TLE1: variants seen among roughly 807,000 people sequenced by gnomAD.
TLE1 encodes TLE family member 1, transcriptional corepressor, also known as transducin-like enhancer protein 1.
TLE1 carries 21 observed loss-of-function variants against 89.8 expected under a neutral mutation model. The observed-to-expected ratio is 0.23, with a 90% confidence interval of 0.17 to 0.34. TLE1 has a LOEUF of 0.34. Ranked by LOEUF, TLE1 falls within the 10% of genes least tolerant of loss-of-function variation. TLE1 has a pLI of 1.00. For synonymous variants in TLE1, 447 were observed against 407.6 expected, an observed-to-expected ratio of 1.10 and a Z score of -1.16; for missense variants, 795 against 1,031.2, an observed-to-expected ratio of 0.77 and a Z score of 3.14.
chr9:81,685,572 A>T, intron 4 of TLE1, 104 bp downstream of exon 4: 1 of 1,167,506 alleles, frequency 8.6e-7, no homozygotes, highest in Non-Finnish European at 1.2e-6. Flanking sequence ...GAAAAATAGC[A>T]TACAAACCCC....
intron 8 of TLE1, among the ~76,000 whole-genome samples, chr9:81,623,441 T>A (rs541841301): frequency 7.9e-5 from 12 of 152,240 alleles, no homozygotes; most frequent in African/African-American, 2.9e-4. Context: ...GGACACCATT[T>A]GCAAAAGAAT....
chr9:81,681,688 T>C (rs1355166207), intron 4 of TLE1, among the ~76,000 whole-genome samples: 1 of 152,220 alleles, frequency 6.6e-6, no homozygotes, highest in African/African-American at 2.4e-5. Context: ...CCAGGATTCC[T>C]GACTTGTTTC....
chr9:81,595,374 T>C (rs932083053), intron 14 of TLE1, among the ~76,000 whole-genome samples: 1 of 152,208 alleles, frequency 6.6e-6, no homozygotes, highest in Non-Finnish European at 1.5e-5. Context: ...ATTCATGTCC[T>C]ACAAGAATTC....
chr9:81,669,261 G>A (rs991614206), intron 4 of TLE1, among the ~76,000 whole-genome samples: 4 of 152,204 alleles, frequency 2.6e-5, no homozygotes, highest in East Asian at 1.9e-4. Context: ...CTGTGAGAAC[G>A]CTGCAAATGG....
chr9:81,674,436 T>G (rs1282227146), intron 4 of TLE1, among the ~76,000 whole-genome samples: 1 of 152,152 alleles, frequency 6.6e-6, no homozygotes, highest in African/African-American at 2.4e-5. Context: ...TTCCACACAC[T>G]GGGGTCCTCA....
intron 8 of TLE1, among the ~76,000 whole-genome samples, chr9:81,630,426 A>G (rs913109585): frequency 6.6e-6 from 1 of 152,216 alleles, no homozygotes; most frequent in African/African-American, 2.4e-5. Context: ...TTTCATTAAT[A>G]ATGTTATTTG....
At chr9:81,592,231 G>A (rs534252079) in intron 15 of TLE1, among the ~76,000 whole-genome samples, 13 of 152,284 alleles carry the variant, frequency 8.5e-5, no homozygotes, top group African/African-American at 3.1e-4. Flanking sequence ...GGTGGTGGGC[G>A]CCCGTAGTCC....
intron 8 of TLE1, among the ~76,000 whole-genome samples, chr9:81,633,064 G>A (rs181332335): frequency 1.1e-3 from 169 of 152,278 alleles, no homozygotes; most frequent in African/African-American, 4.0e-3. Context: ...AGATCAAAGT[G>A]TATTTCCAAG....
In TLE1 at chr9:81,665,437, C is replaced by A. The variant is rs566635631; in HGVS notation, c.235-11401G>T. On this transcript the variant is annotated intron_variant, in intron 4 of 19. Transcript: ENST00000376499. ...CATTCTAAATCTGAGCTCTCTCCAA[C>A]TGGGCCCAGATACTATCCTTTCACT... 2.5e-4 allele frequency among the ~76,000 whole-genome samples: 38 copies of A among 152,266 alleles called. 1 individual carries two copies. The East Asian group carries it at 6.8e-3, about 27-fold the overall frequency.
intron 6 of TLE1, among the ~76,000 whole-genome samples, chr9:81,646,422 A>G (rs1000891220): frequency 2.0e-4 from 31 of 152,354 alleles, no homozygotes; most frequent in African/African-American, 7.5e-4. Context: ...TAGTAGAGCT[A>G]GAAGATCCAT....
At chr9:81,647,638 T>C (rs1423719209) in intron 6 of TLE1, among the ~76,000 whole-genome samples, 2 of 152,024 alleles carry the variant, frequency 1.3e-5, no homozygotes, top group Non-Finnish European at 2.9e-5. Flanking sequence ...CAGACAAAAC[T>C]GCAGTTCAAG....
At position 81,595,814 on chromosome 9, in the gene TLE1, CAA is replaced by C. The variant is rs11301991; in HGVS notation, c.1332-2542_1332-2541del. On this transcript the variant is annotated intron_variant, in intron 14 of 19. Coordinates refer to ENST00000376499, the MANE Select transcript of TLE1 (RefSeq NM_005077.5). ...AGCCTGGGCGACAGAGACTCTGTCTCAAAAAAAAAAAAAAAAAAATTAAAAAA... is the reference window on the plus strand; with the variant it reads ...AGCCTGGGCGACAGAGACTCTGTCTCAAAAAAAAAAAAAAAAATTAAAAAA... 2.6e-3 allele frequency among the ~76,000 whole-genome samples: 278 copies of C among 106,632 alleles called. 2 individuals are homozygous for C. The highest frequency in any genetic ancestry group is 0.023 in the Middle Eastern group (5 of 220). The allele number at this position is 106,632 out of a possible 152,430, so 70.0% of individuals were successfully genotyped here. A position where few individuals can be genotyped will look rare whatever the true frequency, so the allele number is the denominator to read the frequency against.
chr9:81,673,321 T>C (rs1438573693), intron 4 of TLE1, among the ~76,000 whole-genome samples: 1 of 151,604 alleles, frequency 6.6e-6, no homozygotes, highest in Non-Finnish European at 1.5e-5. Context: ...CCTTTTTTTT[T>C]TTTCTCCTTT....
At chr9:81,588,446 G>A (rs1220572113) in intron 16 of TLE1, among the ~76,000 whole-genome samples, 5 of 152,160 alleles carry the variant, frequency 3.3e-5, no homozygotes, top group African/African-American at 9.7e-5. Context: ...AAAGGGTCAC[G>A]CATGCCGGCC....
intron 8 of TLE1, among the ~76,000 whole-genome samples, chr9:81,622,593 G>T (rs569194985): frequency 2.6e-5 from 4 of 152,302 alleles, no homozygotes; most frequent in South Asian, 2.1e-4. Context: ...AGGCCTCTGC[G>T]TCTATGTGTT....
At chr9:81,597,211 T>C (rs1830340951) in intron 14 of TLE1, among the ~76,000 whole-genome samples, 1 of 152,028 alleles carries the variant, frequency 6.6e-6, no homozygotes, top group South Asian at 2.1e-4. Context: ...GCAAAACACT[T>C]AACACAGCAC....
intron 18 of TLE1, 76 bp downstream of exon 18, chr9:81,585,429 C>A (rs955656136): frequency 8.1e-5 from 125 of 1,550,778 alleles, no homozygotes; most frequent in Non-Finnish European, 1.1e-4. Flanking sequence ...AGATTATGAT[C>A]TCTACCATAT....
chr9:81,673,840 A>G (rs1398584485), intron 4 of TLE1, among the ~76,000 whole-genome samples: 1 of 152,144 alleles, frequency 6.6e-6, no homozygotes, highest in East Asian at 1.9e-4. Context: ...TCTGAAAGCC[A>G]AAGAGCTGAG....
At chr9:81,655,852 CAAAA>C (rs5898754) in intron 4 of TLE1, among the ~76,000 whole-genome samples, 6 of 127,012 alleles carry the variant, frequency 4.7e-5, no homozygotes, top group Non-Finnish European at 6.6e-5. Flanking sequence ...GACCCTGTCT[CAAAA>C]AAAAAAAAAA....
Sources: allele counts gnomAD v4.1 joint callset (sites outside exome capture counted in the v4.1 genomes callset), GRCh38; gene constraint gnomAD v4.1.1; transcripts MANE v1.5; gene names NCBI Gene and HGNC (gene_info 2026-07-23, HGNC 2026-07-21).